The following EYA3 variants were observed in gnomAD, a reference collection of about 807,000 sequenced individuals.
EYA3 encodes the protein EYA transcriptional coactivator and phosphatase 3.
EYA3 carries 39 observed loss-of-function variants against 80.0 expected under a neutral mutation model. The ratio of observed to expected loss-of-function variants is 0.49; its 90% CI spans 0.38 to 0.64. EYA3 has a LOEUF of 0.64. EYA3 is among the 30% of genes least tolerant of loss of function. The probability of loss-of-function intolerance (pLI) is 0.00; values close to 1 mark genes in which losing one functional copy is unlikely to be tolerated. For missense variants in EYA3, 523 were observed against 676.1 expected, an observed-to-expected ratio of 0.77 and a Z score of 2.51; for synonymous variants, 206 against 232.8, an observed-to-expected ratio of 0.88 and a Z score of 1.05.
intron 12 of EYA3, chr1:27,998,462 T>G: frequency 4.0e-6 from 1 of 247,974 alleles, no homozygotes; most frequent in Non-Finnish European, 6.4e-6. Flanking sequence ...ACATATGAAG[T>G]TGAGGGAAGA....
At chr1:28,087,965 C>T (rs918871954) in intron 1 of EYA3, among the ~76,000 whole-genome samples, 6 of 152,166 alleles carry the variant, frequency 3.9e-5, no homozygotes, top group Non-Finnish European at 7.3e-5. Context: ...GGGGCTTTGG[C>T]AAAGCTCTCC....
intron 7 of EYA3, among the ~76,000 whole-genome samples, chr1:28,018,564 T>G (rs1249223090): frequency 4.6e-5 from 7 of 152,190 alleles, no homozygotes; most frequent in Non-Finnish European, 7.3e-5. Flanking sequence ...GTAAGAAAAC[T>G]TCCATTGAGA....
chr1:28,025,715 T>A (rs1051449427), intron 7 of EYA3, among the ~76,000 whole-genome samples: 1 of 152,192 alleles, frequency 6.6e-6, no homozygotes, highest in African/African-American at 2.4e-5. Flanking sequence ...GAATGGTGGT[T>A]AGTGAAGTTT....
chr1:28,084,553 CAA>C (rs1265751561), intron 1 of EYA3, among the ~76,000 whole-genome samples: 6 of 63,348 alleles, frequency 9.5e-5, no homozygotes, highest in African/African-American at 2.5e-4. Flanking sequence ...TTGACTATTC[CAA>C]AATATATATA....
At position 28,010,736 on chromosome 1, in the gene EYA3, A is replaced by G. The variant is rs1641634796; in HGVS notation, c.909+211T>C. 3 of 521,306 alleles carry G rather than the reference A, an allele frequency of 5.8e-6. No individual in the cohort carries two copies. The Admixed American group carries it at 1.1e-4, about 19-fold the overall frequency. 32.3% of individuals were successfully genotyped at this position (521,306 alleles called of 1,614,324 possible). Reference sequence around the variant, plus strand: ...TAACTCCCTCTGCTTTCTGAATATGATGAATTGTTTCTGTTCTCTTCTGGA... The same window carrying G: ...TAACTCCCTCTGCTTTCTGAATATGGTGAATTGTTTCTGTTCTCTTCTGGA... On this transcript the variant is annotated intron_variant, in intron 10 of 17. Transcript: ENST00000373871.
chr1:28,073,747 G>A (rs571540095), intron 1 of EYA3, among the ~76,000 whole-genome samples: 4 of 152,168 alleles, frequency 2.6e-5, no homozygotes, highest in Non-Finnish European at 2.9e-5. Flanking sequence ...TCTGTATCTC[G>A]ATGTGGTTTT....
intron 1 of EYA3, among the ~76,000 whole-genome samples, chr1:28,085,138 TG>T (rs1645603917): frequency 6.6e-6 from 1 of 152,126 alleles, no homozygotes; most frequent in African/African-American, 2.4e-5. Flanking sequence ...AGGTATACTT[TG>T]TTTCTTAAAT....
chr1:28,035,649 A>C lies in EYA3; in HGVS notation c.256T>G (p.Ser86Ala). 6.2e-6 allele frequency: 10 copies of C among 1,614,118 alleles called. No individual in the cohort carries two copies. Among genetic ancestry groups the C allele is most frequent in the Non-Finnish European group, 7.6e-6 (9 of 1,179,990 alleles). ...GTCTGTCCAGGGTAAGCAGTTTCCGAAACAGGAACTGAGAGAATATGTGCA... is the reference window on the plus strand; with the variant it reads ...GTCTGTCCAGGGTAAGCAGTTTCCGCAACAGGAACTGAGAGAATATGTGCA... ...PYAHILSVPV[S>A]ETAYPGQTQY... The change falls in exon 6 of 18, where the codon TCG (serine) becomes GCG (alanine). Residue 86 changes from serine (S) to alanine (A), a missense_variant. By Grantham distance (99) the Ser-to-Ala change is moderately conservative. Transcript: ENST00000373871.
intron 6 of EYA3, among the ~76,000 whole-genome samples, chr1:28,034,610 A>G (rs1321223683): frequency 1.3e-5 from 2 of 152,174 alleles, no homozygotes; most frequent in Non-Finnish European, 2.9e-5. Flanking sequence ...CCAGGAGCCA[A>G]AGAATTCTAA....
intron 1 of EYA3, among the ~76,000 whole-genome samples, chr1:28,064,581 C>A (rs545969176): frequency 5.3e-5 from 8 of 152,038 alleles, no homozygotes; most frequent in African/African-American, 1.7e-4. Context: ...TCTTTAAAAC[C>A]AATAATAGTG....
chr1:28,009,914 A>C lies in EYA3; in HGVS notation c.909+1033T>G, dbSNP rs1363899180. 6.6e-6 allele frequency among the ~76,000 whole-genome samples: 1 copy of C among 152,218 alleles called. No homozygotes were observed. The highest frequency in any genetic ancestry group is 1.5e-5 in the Non-Finnish European group (1 of 68,048). On this transcript the variant is annotated intron_variant, in intron 10 of 17. Coordinates refer to ENST00000373871, the MANE Select transcript of EYA3 (RefSeq NM_001990.4). This position sits in a 1 kb window ranked among gnomAD's most constrained non-coding sequence, Gnocchi z 4.8. ...GACAATATTGAGAATGTATAATGAC[A>C]CTAAATTGTACACTTAAAAATGGCT...
At chr1:28,067,346 A>C (rs982948920) in intron 1 of EYA3, among the ~76,000 whole-genome samples, 2 of 152,268 alleles carry the variant, frequency 1.3e-5, no homozygotes, top group African/African-American at 4.8e-5. Flanking sequence ...TAAAAGGTGA[A>C]TACATGTTTT....
At chr1:28,050,426 T>A (rs1338225797) in intron 2 of EYA3, among the ~76,000 whole-genome samples, 2 of 152,042 alleles carry the variant, frequency 1.3e-5, no homozygotes, top group East Asian at 3.9e-4. Context: ...GGTTTCGAAC[T>A]CCTGGCCTCA....
chr1:28,038,771 TA>T, intron 5 of EYA3, 67 bp downstream of exon 5: 2 of 863,852 alleles, frequency 2.3e-6, no homozygotes, highest in Middle Eastern at 2.6e-4. Flanking sequence ...AGAGGAAAAA[TA>T]ATATTAAATT....
In EYA3 at chr1:28,057,578, C is replaced by G. The variant is rs72658341; in HGVS notation, c.33+416G>C. Reference sequence around the variant, plus strand: ...TTCAATATAGTCTCTAGGGTTTTATCTGTTTTTAAGAATTAGCTAGTGGTC... The same window carrying G: ...TTCAATATAGTCTCTAGGGTTTTATGTGTTTTTAAGAATTAGCTAGTGGTC... On this transcript the variant is annotated intron_variant, in intron 2 of 17. Transcript: ENST00000373871. 9.2e-3 allele frequency among the ~76,000 whole-genome samples: 1,398 copies of G among 152,190 alleles called. 10 individuals are homozygous for G. Among genetic ancestry groups the G allele is most frequent in the African/African-American group, 0.017 (699 of 41,584 alleles).
Position 28,035,535 on chromosome 1 carries a change from G to GTGCCTTACCAAAAGGAGGT in EYA3, c.351_361+8dup, listed in dbSNP as rs773190761. 1.4e-5 allele frequency: 22 copies of GTGCCTTACCAAAAGGAGGT among 1,611,976 alleles called. No individual in the cohort carries two copies. Among genetic ancestry groups the GTGCCTTACCAAAAGGAGGT allele is most frequent in the Non-Finnish European group, 1.7e-5 (20 of 1,179,428 alleles). ...ATTCTTAGAAATTGTTTACAATACA[G>GTGCCTTACCAAAAGGAGGT]TGCCTTACCAAAAGGAGGTAGTCCA... On this transcript the variant is annotated intron_variant, in intron 6 of 17. Coordinates refer to ENST00000373871, the MANE Select transcript of EYA3 (RefSeq NM_001990.4).
At chr1:27,978,345 CAT>C (rs775346312) in intron 17 of EYA3, 27 bp downstream of exon 17, 6 of 1,531,936 alleles carry the variant, frequency 3.9e-6, no homozygotes, top group Non-Finnish European at 4.5e-6. Flanking sequence ...TGTACAACCA[CAT>C]AGACTATTTT....
In EYA3 at chr1:28,071,826, T is replaced by C. The variant is rs561297045; in HGVS notation, c.-68-13732A>G. On this transcript the variant is annotated intron_variant, in intron 1 of 17. Coordinates refer to ENST00000373871, the MANE Select transcript of EYA3 (RefSeq NM_001990.4). The stretch of plus-strand genomic sequence containing the variant: ...GCCATTTAACTACCCTTTACAAAAA[T>C]GTACAGATCAAACAGAATGAAACTA... 4.6e-5 allele frequency among the ~76,000 whole-genome samples: 7 copies of C among 152,276 alleles called. No homozygotes were observed. The South Asian group carries it at 1.4e-3, about 32-fold the overall frequency.
rs562448391 is a variant in EYA3, at chr1:27,977,050, G to A, written c.1641+1324C>T. ...ATGTATTCTGTTGTAGATGATTAAA[G>A]ACATTAGCTCAGAGTTACCAACTCT... On this transcript the variant is annotated intron_variant, in intron 17 of 17. Coordinates refer to ENST00000373871, the MANE Select transcript of EYA3 (RefSeq NM_001990.4). 5.1e-6 allele frequency: 5 copies of A among 985,280 alleles called. No homozygotes were observed. In the African/African-American group the frequency reaches 8.7e-5, roughly 17 times the overall value. The allele number at this position is 985,280 out of a possible 1,614,324, so 61.0% of individuals were successfully genotyped here.
Sources: allele counts gnomAD v4.1 joint callset (sites outside exome capture counted in the v4.1 genomes callset), GRCh38; gene constraint gnomAD v4.1.1; non-coding constraint Gnocchi (gnomAD v3.1); transcripts MANE v1.5; gene names NCBI Gene and HGNC (gene_info 2026-07-23, HGNC 2026-07-21).